The following PTPRM variants were observed in gnomAD, a reference collection of about 807,000 sequenced individuals.
PTPRM encodes the protein protein tyrosine phosphatase receptor type M.
PTPRM carries 47 observed loss-of-function variants against 186.7 expected under a neutral mutation model. The ratio of observed to expected loss-of-function variants is 0.25; its 90% CI spans 0.20 to 0.32. The LOEUF is 0.32. Among genes scored for constraint, PTPRM ranks in the 10% least tolerant of loss-of-function variants. The pLI is 1.00. For missense variants in PTPRM, 1,494 were observed against 1,865.0 expected (o/e 0.80, Z 3.66); for synonymous variants, 668 against 674.9 (o/e 0.99, Z 0.16).
rs907170706 is a variant in PTPRM at position 7,966,945 on chromosome 18, G to C, written c.1132+11531G>C. ...GCAGCCTGGAAGCTCGAACTGGGTGGAGCCCACCACAGCTCTAGGAGGCCT... is the reference window on the plus strand; with the variant it reads ...GCAGCCTGGAAGCTCGAACTGGGTGCAGCCCACCACAGCTCTAGGAGGCCT... On this transcript the variant is annotated intron_variant, in intron 7 of 32. Transcript: ENST00000580170. Among the ~76,000 whole-genome samples, 6 of 123,484 alleles carry C rather than the reference G, an allele frequency of 4.9e-5. 2 individuals carry two copies. The highest frequency in any genetic ancestry group is 9.7e-5 in the Non-Finnish European group (5 of 51,720). The allele number at this position is 123,484 out of a possible 152,430, so 81.0% of individuals were successfully genotyped here. A position where few individuals can be genotyped will look rare whatever the true frequency, so the allele number is the denominator to read the frequency against.
chr18:7,770,621 A>G (rs1322298448), intron 1 of PTPRM, among the ~76,000 whole-genome samples: 1 of 152,190 alleles, frequency 6.6e-6, no homozygotes, highest in Non-Finnish European at 1.5e-5. Flanking sequence ...GACTTGGGAG[A>G]CTAAGTGATT....
chr18:8,253,840 T>C (rs2094551521), intron 19 of PTPRM, among the ~76,000 whole-genome samples: 1 of 152,210 alleles, frequency 6.6e-6, no homozygotes, highest in Non-Finnish European at 1.5e-5. Flanking sequence ...AAGAATGCTT[T>C]GCCTTTTACC....
chr18:8,405,875 T>G (rs1167414641), intron 32 of PTPRM, among the ~76,000 whole-genome samples: 1 of 152,190 alleles, frequency 6.6e-6, no homozygotes, highest in Non-Finnish European at 1.5e-5. Flanking sequence ...GTCCAGAACC[T>G]TCCGGGAATT....
At chr18:7,717,106 C>G (rs1447921121) in intron 1 of PTPRM, among the ~76,000 whole-genome samples, 1 of 152,118 alleles carries the variant, frequency 6.6e-6, no homozygotes, top group African/African-American at 2.4e-5. Context: ...GGGATGGGAG[C>G]AAAGAAATTC....
At chr18:8,145,935 T>G (rs910043023) in intron 14 of PTPRM, among the ~76,000 whole-genome samples, 8 of 152,336 alleles carry the variant, frequency 5.3e-5, no homozygotes, top group Admixed American at 2.6e-4. Flanking sequence ...TTGAACTAAT[T>G]TACAGTTCCA....
chr18:8,011,507 C>T (rs2084525025), intron 7 of PTPRM, among the ~76,000 whole-genome samples: 1 of 152,160 alleles, frequency 6.6e-6, no homozygotes, highest in Non-Finnish European at 1.5e-5. Flanking sequence ...AATATTTGAT[C>T]ATTTTTACTT....
At position 7,672,469 on chromosome 18, in the gene PTPRM, CT is replaced by C. The variant is rs1376781605; in HGVS notation, c.74-101679del. Among the ~76,000 whole-genome samples the C allele has an allele frequency of 5.3e-5, 8 of 152,098 alleles. No individual in the cohort carries two copies. In the East Asian group the frequency reaches 1.2e-3, roughly 22 times the overall value. On this transcript the variant is annotated intron_variant, in intron 1 of 32. Transcript: ENST00000580170. ...ACATGGTTTTACTCAATTTTTATAC[CT>C]GGAACCCCAAAAGGAACAAAAAGAA...
At chr18:7,808,456 T>G (rs186926880) in intron 2 of PTPRM, among the ~76,000 whole-genome samples, 81 of 152,312 alleles carry the variant, frequency 5.3e-4, no homozygotes, top group Admixed American at 1.8e-3. Context: ...TCTTCTTAAT[T>G]TAAATGGATG....
chr18:7,647,067 TG>T (rs1453094969), intron 1 of PTPRM, among the ~76,000 whole-genome samples: 1 of 152,176 alleles, frequency 6.6e-6, no homozygotes, highest in African/African-American at 2.4e-5. Context: ...AACATGTTCC[TG>T]AGACACGTAA....
intron 2 of PTPRM, among the ~76,000 whole-genome samples, chr18:7,788,728 A>G (rs1037763939): frequency 6.6e-6 from 1 of 152,222 alleles, no homozygotes; most frequent in East Asian, 1.9e-4. Context: ...CAATAGCCCA[A>G]TTCTGTAAGG....
At chr18:8,288,928 A>C (rs1231905050) in intron 19 of PTPRM, among the ~76,000 whole-genome samples, 15 of 152,194 alleles carry the variant, frequency 9.9e-5, no homozygotes, top group Admixed American at 9.8e-4. Flanking sequence ...TGTGCCACTG[A>C]ACTGGCTCAT....
In PTPRM at chr18:8,089,894, A is replaced by C. The variant is rs531888726; in HGVS notation, c.1856+1043A>C. On this transcript the variant is annotated intron_variant, in intron 11 of 32. Coordinates refer to ENST00000580170, the MANE Select transcript of PTPRM (RefSeq NM_001105244.2). ...AGTGAAGTCAGATTAGGGAAGAGTC[A>C]CAGAAATTTTTATTTGAAAAATCTC... Among the ~76,000 whole-genome samples the C allele has an allele frequency of 2.8e-4, 43 of 152,330 alleles. 1 individual carries two copies. The highest frequency in any genetic ancestry group is 9.2e-4 in the Admixed American group (14 of 15,296).
chr18:8,016,310 A>G (rs1201414396), intron 7 of PTPRM, among the ~76,000 whole-genome samples: 1 of 152,184 alleles, frequency 6.6e-6, no homozygotes, highest in Non-Finnish European at 1.5e-5. Flanking sequence ...ACTTGAGGTC[A>G]GGAGTTCGAG....
chr18:7,733,057 G>C (rs555606476), intron 1 of PTPRM, among the ~76,000 whole-genome samples: 1 of 150,856 alleles, frequency 6.6e-6, no homozygotes, highest in Non-Finnish European at 1.5e-5. Context: ...GGGTGAGGAG[G>C]GTACAATTTA....
In PTPRM at chr18:8,014,881, A is replaced by C. The variant is rs535232172; in HGVS notation, c.1133-54805A>C. ...CAATAAGGCATTGCTGTGAATCCAG[A>C]GGAGATTGTCAATTACAGAATTTTT... On this transcript the variant is annotated intron_variant, in intron 7 of 32. Transcript: ENST00000580170. 2.6e-5 allele frequency among the ~76,000 whole-genome samples: 4 copies of C among 152,186 alleles called. No homozygotes were observed. In the South Asian group the frequency reaches 6.2e-4, roughly 24 times the overall value.
intron 1 of PTPRM, among the ~76,000 whole-genome samples, chr18:7,620,992 G>A (rs1941143): frequency 0.06 from 9,155 of 151,962 alleles, 344 homozygotes; most frequent in African/African-American, 0.11. Flanking sequence ...GAGACCAGTC[G>A]GCAACCTAGT....
intron 22 of PTPRM, among the ~76,000 whole-genome samples, chr18:8,334,146 C>T (rs1177345990): frequency 1.3e-5 from 2 of 152,338 alleles, no homozygotes; most frequent in African/African-American, 2.4e-5. Context: ...CAGCACCTGC[C>T]TGGCAGGGAG....
chr18:7,828,555 C>G (rs1023205613), intron 2 of PTPRM, among the ~76,000 whole-genome samples: 2 of 152,142 alleles, frequency 1.3e-5, no homozygotes, highest in Admixed American at 1.3e-4. Flanking sequence ...GCCGTATGTC[C>G]TGCCACTGCT....
intron 14 of PTPRM, among the ~76,000 whole-genome samples, chr18:8,146,114 C>T (rs374339089): frequency 2.6e-5 from 4 of 151,478 alleles, no homozygotes; most frequent in East Asian, 1.9e-4. Context: ...CTGCAACCTC[C>T]GCCTCCCAGG....
Sources: gnomAD v4.1 joint callset for allele counts (sites outside exome capture counted in the v4.1 genomes callset) on GRCh38, gnomAD v4.1.1 for gene constraint, MANE v1.5 for transcripts, NCBI Gene and HGNC (gene_info 2026-07-23, HGNC 2026-07-21) for gene names.